The following FUT8 variants were observed in gnomAD, a reference collection of about 807,000 sequenced individuals.
The protein encoded by FUT8 is fucosyltransferase 8, also known as alpha-(1,6)-fucosyltransferase.
Under a neutral mutation model 71.3 loss-of-function variants are expected in FUT8, and 29 were observed. That is an observed-to-expected ratio of 0.41 (90% CI 0.30 to 0.55). FUT8 has a LOEUF of 0.55. FUT8 is among the 20% of genes least tolerant of loss of function. The pLI, the probability that FUT8 is intolerant of heterozygous loss-of-function variation, is 0.34. For missense variants in FUT8, 544 were observed against 702.1 expected (o/e 0.77, Z 2.55); for synonymous variants, 254 against 239.3 (o/e 1.06, Z -0.57).
chr14:65,595,972 A>G (rs891122275), intron 3 of FUT8, among the ~76,000 whole-genome samples: 21 of 152,208 alleles, frequency 1.4e-4, no homozygotes, highest in African/African-American at 1.2e-4. Flanking sequence ...AACAGTTACT[A>G]TGACTACCTT....
At chr14:65,477,373 T>C (rs1446704965) in intron 2 of FUT8, among the ~76,000 whole-genome samples, 2 of 152,222 alleles carry the variant, frequency 1.3e-5, no homozygotes, top group Non-Finnish European at 2.9e-5. Context: ...ATATAGTTGT[T>C]GGAGACTATG....
intron 2 of FUT8, among the ~76,000 whole-genome samples, chr14:65,548,514 CTG>C (rs1180948812): frequency 2.6e-5 from 4 of 151,130 alleles, no homozygotes; most frequent in Non-Finnish European, 5.9e-5. Context: ...AGTTTTTTGT[CTG>C]TTATGAATAA....
chr14:65,718,756 T>C (rs1015109561), intron 7 of FUT8, among the ~76,000 whole-genome samples: 2 of 152,084 alleles, frequency 1.3e-5, no homozygotes, highest in African/African-American at 4.8e-5. Context: ...AGGGTAAAAG[T>C]TTTTTTTCCC....
chr14:65,704,518 A>C (rs1869077413), intron 7 of FUT8, among the ~76,000 whole-genome samples: 1 of 151,852 alleles, frequency 6.6e-6, no homozygotes, highest in Admixed American at 6.5e-5. Flanking sequence ...AGGAGGTTCT[A>C]AGTTAGGAGA....
chr14:65,714,561 G>T (rs1181509745), intron 7 of FUT8, among the ~76,000 whole-genome samples: 1 of 151,756 alleles, frequency 6.6e-6, no homozygotes, highest in Non-Finnish European at 1.5e-5. Context: ...AGGATTATAG[G>T]CATAAGCCAC....
intron 9 of FUT8, among the ~76,000 whole-genome samples, chr14:65,725,991 A>G (rs1895663840): frequency 6.6e-6 from 1 of 152,168 alleles, no homozygotes; most frequent in Non-Finnish European, 1.5e-5. Context: ...TGCACACACT[A>G]CCATATACAT....
intron 1 of FUT8, among the ~76,000 whole-genome samples, chr14:65,443,228 G>A (rs1421047323): frequency 6.6e-6 from 1 of 151,712 alleles, no homozygotes; most frequent in Non-Finnish European, 1.5e-5. Context: ...GGCTAACGCG[G>A]TGAAACCCTG....
At chr14:65,694,685 C>G (rs1893891669) in intron 7 of FUT8, among the ~76,000 whole-genome samples, 1 of 151,954 alleles carries the variant, frequency 6.6e-6, no homozygotes, top group Non-Finnish European at 1.5e-5. Flanking sequence ...AAATGTGGCA[C>G]ATATACACCA....
At chr14:65,377,588 G>T in the FUT8 span, among the ~76,000 whole-genome samples, 1 of 152,136 alleles carries the variant, frequency 6.6e-6, no homozygotes, top group Non-Finnish European at 1.5e-5. Context: ...CCCAATTTCT[G>T]CTATGTGATC....
At chr14:65,560,391 A>G (rs571758224) in intron 2 of FUT8, among the ~76,000 whole-genome samples, 1 of 152,094 alleles carries the variant, frequency 6.6e-6, no homozygotes, top group African/African-American at 2.4e-5. Flanking sequence ...ATCTTGCCAG[A>G]TTGGTCTCAA....
chr14:65,585,632 G>T (rs1029064770), intron 3 of FUT8, among the ~76,000 whole-genome samples: 3 of 152,158 alleles, frequency 2.0e-5, no homozygotes, highest in Non-Finnish European at 2.9e-5. Context: ...GATTACTTGT[G>T]TTTTAAAATA....
chr14:65,633,611 G>A (rs1292540845), intron 6 of FUT8, among the ~76,000 whole-genome samples: 21 of 151,388 alleles, frequency 1.4e-4, no homozygotes, highest in Non-Finnish European at 2.8e-4. Flanking sequence ...TCTGAGATGT[G>A]GGGAGCGCCT....
chr14:65,618,053 A>G (rs982446706), intron 5 of FUT8, among the ~76,000 whole-genome samples: 5 of 110,194 alleles, frequency 4.5e-5, no homozygotes, highest in East Asian at 5.1e-4. Flanking sequence ...ATATATATAT[A>G]TGTATGTATA....
intron 7 of FUT8, among the ~76,000 whole-genome samples, chr14:65,702,954 C>T (rs1323332584): frequency 6.6e-6 from 1 of 152,130 alleles, no homozygotes; most frequent in Non-Finnish European, 1.5e-5. Context: ...ACCCTGTTGG[C>T]CAGGATGGTC....
At chr14:65,568,524 T>G (rs1011513750) in intron 3 of FUT8, among the ~76,000 whole-genome samples, 18 of 151,900 alleles carry the variant, frequency 1.2e-4, no homozygotes, top group African/African-American at 4.3e-4. Flanking sequence ...TGTGATTTTT[T>G]TTTTCTATGA....
At chr14:65,729,781 A>C (rs1258205731) in intron 9 of FUT8, among the ~76,000 whole-genome samples, 1 of 152,204 alleles carries the variant, frequency 6.6e-6, no homozygotes, top group Non-Finnish European at 1.5e-5. Flanking sequence ...GACTGCAAGA[A>C]TAGTAAAACC....
intron 2 of FUT8, among the ~76,000 whole-genome samples, chr14:65,526,824 C>T (rs1038597845): frequency 1.9e-4 from 29 of 152,140 alleles, no homozygotes; most frequent in Admixed American, 2.6e-4. Context: ...ACTTATGAAG[C>T]TTAGTTTGGC....
chr14:65,492,592 C>A (rs2066498421), intron 2 of FUT8, among the ~76,000 whole-genome samples: 1 of 152,076 alleles, frequency 6.6e-6, no homozygotes, highest in Admixed American at 6.6e-5. Flanking sequence ...TAGGAGCGTG[C>A]CTGATTTGCA....
intron 6 of FUT8, among the ~76,000 whole-genome samples, chr14:65,664,062 C>T (rs1892093348): frequency 6.6e-6 from 1 of 151,940 alleles, no homozygotes; most frequent in African/African-American, 2.4e-5. Context: ...TGCAGTAATT[C>T]AGTACATCTA....
Sources: gnomAD v4.1 joint callset for allele counts (sites outside exome capture counted in the v4.1 genomes callset) on GRCh38, gnomAD v4.1.1 for gene constraint, MANE v1.5 for transcripts, NCBI Gene and HGNC (gene_info 2026-07-23, HGNC 2026-07-21) for gene names.